The following MLLT3 variants were observed in gnomAD, a reference collection of about 807,000 sequenced individuals.
The protein encoded by MLLT3 is protein AF-9.
A neutral mutation model predicts 53.2 loss-of-function variants in MLLT3; 4 were observed. The ratio of observed to expected loss-of-function variants is 0.08; its 90% CI spans 0.04 to 0.17. MLLT3 has a LOEUF of 0.17. Among genes scored for constraint, MLLT3 ranks in the 10% least tolerant of loss-of-function variants. MLLT3 has a pLI of 1.00. For synonymous variants in MLLT3, 283 were observed against 230.6 expected, an observed-to-expected ratio of 1.23 and a Z score of -2.06; for missense variants, 569 against 684.0, an observed-to-expected ratio of 0.83 and a Z score of 1.87.
intron 5 of MLLT3, among the ~76,000 whole-genome samples, chr9:20,402,996 T>C (rs901825383): frequency 1.3e-5 from 2 of 152,158 alleles, no homozygotes; most frequent in African/African-American, 4.8e-5. Flanking sequence ...TAGGAACCAC[T>C]TTAAAATGTT....
At chr9:20,527,376 A>C (rs1208251322) in intron 2 of MLLT3, among the ~76,000 whole-genome samples, 1 of 152,196 alleles carries the variant, frequency 6.6e-6, no homozygotes, top group African/African-American at 2.4e-5. Flanking sequence ...CTAAGGTTCA[A>C]ATCTTTACTG....
chr9:20,387,089 TATAGCAAGAG>T (rs1822058247), intron 5 of MLLT3, among the ~76,000 whole-genome samples: 1 of 152,246 alleles, frequency 6.6e-6, no homozygotes, highest in Non-Finnish European at 1.5e-5. Context: ...TCGGATCCTC[TATAGCAAGAG>T]TTGGCAGGCT....
chr9:20,341,940 T>C lies in MLLT3; in HGVS notation c.*4503A>G, dbSNP rs760024503. The C allele has an allele frequency of 5.5e-5, 11 of 200,338 alleles. No individual in the cohort carries two copies. The highest frequency in any genetic ancestry group is 9.3e-5 in the Non-Finnish European group (9 of 97,208). The allele number at this position is 200,338 out of a possible 1,614,324, so 12.4% of individuals were successfully genotyped here. A position where few individuals can be genotyped will look rare whatever the true frequency, so the allele number is the denominator to read the frequency against. Reference sequence around the variant, plus strand: ...TTTGCAGAGTTTTAAAAATATTATATATATACTGGCTTTAGGACACAGAAG... The same window carrying C: ...TTTGCAGAGTTTTAAAAATATTATACATATACTGGCTTTAGGACACAGAAG... On this transcript the variant is annotated 3_prime_UTR_variant, in exon 11 of 11. Coordinates refer to ENST00000380338, the MANE Select transcript of MLLT3 (RefSeq NM_004529.4).
intron 2 of MLLT3, among the ~76,000 whole-genome samples, chr9:20,610,976 G>A (rs1380204928): frequency 6.6e-6 from 1 of 152,014 alleles, no homozygotes; most frequent in Non-Finnish European, 1.5e-5. Flanking sequence ...TAAAACAGCT[G>A]CTTATTATAG....
chr9:20,527,034 T>C (rs1341795474), intron 2 of MLLT3, among the ~76,000 whole-genome samples: 1 of 152,220 alleles, frequency 6.6e-6, no homozygotes, highest in Non-Finnish European at 1.5e-5. Context: ...TGGACACAAG[T>C]ACTTGGTCCA....
intron 5 of MLLT3, among the ~76,000 whole-genome samples, chr9:20,374,936 G>A (rs898628073): frequency 1.4e-4 from 22 of 152,152 alleles, no homozygotes; most frequent in African/African-American, 4.3e-4. Flanking sequence ...GGTCATGAAC[G>A]TAGGGCCCTC....
rs1415132423 is a variant in MLLT3, at chr9:20,483,696, CTCTT to C, written c.194-26914_194-26911del. 2.6e-5 allele frequency among the ~76,000 whole-genome samples: 3 copies of C among 114,552 alleles called. No individual in the cohort carries two copies. The Admixed American group carries it at 3.1e-4, about 12-fold the overall frequency. The allele number at this position is 114,552 out of a possible 152,430, so 75.2% of individuals were successfully genotyped here. ...TAACGAGATAACACAGTCAGTAAAACTCTTTTTTTTTTTTTTTTTTTTTTTTTCC... is the reference window on the plus strand; with the variant it reads ...TAACGAGATAACACAGTCAGTAAAACTTTTTTTTTTTTTTTTTTTTTTTCC... On this transcript the variant is annotated intron_variant, in intron 2 of 10. Coordinates refer to ENST00000380338, the MANE Select transcript of MLLT3 (RefSeq NM_004529.4).
chr9:20,549,034 C>T lies in MLLT3; in HGVS notation c.193+71620G>A, dbSNP rs553421706. Among the ~76,000 whole-genome samples, 7 of 152,052 alleles carry T rather than the reference C, an allele frequency of 4.6e-5. 1 individual carries two copies. Among genetic ancestry groups the T allele is most frequent in the East Asian group, 1.9e-4 (1 of 5,168 alleles). ...TTCACCATGTTGCCCAGGTGGGTCC[C>T]GAACTCCTGGGCTCAAGCAATCCAC... On this transcript the variant is annotated intron_variant, in intron 2 of 10. Coordinates refer to ENST00000380338, the MANE Select transcript of MLLT3 (RefSeq NM_004529.4).
At chr9:20,514,939 A>ATTTT (rs35816235) in intron 2 of MLLT3, among the ~76,000 whole-genome samples, 11 of 88,728 alleles carry the variant, frequency 1.2e-4, no homozygotes, top group South Asian at 4.1e-4. Context: ...TGAAGGAACA[A>ATTTT]TTTTTTTTTT....
intron 2 of MLLT3, among the ~76,000 whole-genome samples, chr9:20,558,816 T>A (rs919847518): frequency 6.6e-6 from 1 of 152,230 alleles, no homozygotes; most frequent in Admixed American, 6.5e-5. Context: ...TTGGCATCAT[T>A]TGCATCAGCA....
intron 2 of MLLT3, among the ~76,000 whole-genome samples, chr9:20,486,128 A>AT (rs1824806220): frequency 6.6e-6 from 1 of 152,132 alleles, no homozygotes; most frequent in Non-Finnish European, 1.5e-5. Flanking sequence ...CATGATAAAC[A>AT]TTTTTTCTAT....
At chr9:20,398,970 C>A (rs972196737) in intron 5 of MLLT3, among the ~76,000 whole-genome samples, 1 of 152,134 alleles carries the variant, frequency 6.6e-6, no homozygotes, top group African/African-American at 2.4e-5. Flanking sequence ...CACTCCTTGG[C>A]TGGCTTATGT....
intron 2 of MLLT3, among the ~76,000 whole-genome samples, chr9:20,511,458 T>C (rs1379047175): frequency 1.3e-5 from 2 of 152,234 alleles, no homozygotes; most frequent in Admixed American, 6.5e-5. Context: ...CTGGAATCTT[T>C]ACAGTACAAT....
At chr9:20,479,488 T>A (rs1352165454) in intron 2 of MLLT3, among the ~76,000 whole-genome samples, 1 of 152,100 alleles carries the variant, frequency 6.6e-6, no homozygotes, top group African/African-American at 2.4e-5. Context: ...CAAATTAGGG[T>A]CCAGTTCTAA....
rs1338937992 is a variant in MLLT3 at position 20,440,969 on chromosome 9, C to T, written c.420+7154G>A. Among the ~76,000 whole-genome samples the T allele has an allele frequency of 2.0e-5, 3 of 152,234 alleles. No homozygotes were observed. The East Asian group carries it at 5.8e-4, about 29-fold the overall frequency. ...TTCGTACATACAGTCAGCTAAACTG[C>T]TACTTCGGGGAGGTCTGCAGAAAGA... On this transcript the variant is annotated intron_variant, in intron 4 of 10. Transcript: ENST00000380338.
At chr9:20,561,697 C>T (rs192127036) in intron 2 of MLLT3, among the ~76,000 whole-genome samples, 9 of 152,250 alleles carry the variant, frequency 5.9e-5, no homozygotes, top group Admixed American at 2.6e-4. Flanking sequence ...AATCTCCACA[C>T]GACTCAAAGT....
rs1449430319 is a variant in MLLT3, at chr9:20,414,400, C to G, written c.446G>C (p.Ser149Thr). The G allele has an allele frequency of 2.5e-6, 4 of 1,607,420 alleles. No homozygotes were observed. The highest frequency in any genetic ancestry group is 2.2e-5 in the South Asian group (2 of 90,984). Residue 149 changes from serine to threonine, a missense_variant, in exon 5 of 11, where the codon AGC becomes ACC. Physicochemically the swap from Ser to Thr is moderately conservative, Grantham distance 58. Coordinates refer to ENST00000380338, the MANE Select transcript of MLLT3 (RefSeq NM_004529.4). ...GGDPNRSIHT[S>T]SSSSSSSSSS... ...GCTACTGCTGCTGCTGCTGCTGCTG[C>G]TGGTATGAATACTCCTATTAGGGTC... is the stretch of plus-strand genomic sequence containing the variant.
In MLLT3 at chr9:20,575,842, G is replaced by C. The variant is rs773935707; in HGVS notation, c.193+44812C>G. On this transcript the variant is annotated intron_variant, in intron 2 of 10. Transcript: ENST00000380338. ...ACACTAGGATTTTCAGAATGTAAAC[G>C]AGCACTGGCTTCAACTAAAAGTCAG... 3.9e-5 allele frequency among the ~76,000 whole-genome samples: 6 copies of C among 152,282 alleles called. No individual in the cohort carries two copies. In the East Asian group the frequency reaches 9.6e-4, roughly 24 times the overall value.
At chr9:20,544,060 T>C (rs1016180569) in intron 2 of MLLT3, among the ~76,000 whole-genome samples, 1 of 152,158 alleles carries the variant, frequency 6.6e-6, no homozygotes, top group Non-Finnish European at 1.5e-5. Flanking sequence ...CTTATAGATA[T>C]GGACAAATGA....
Sources: gnomAD v4.1 joint callset for allele counts (sites outside exome capture counted in the v4.1 genomes callset) on GRCh38, gnomAD v4.1.1 for gene constraint, MANE v1.5 for transcripts, NCBI Gene and HGNC (gene_info 2026-07-23, HGNC 2026-07-21) for gene names.